Variants in FAM78B observed in about 807,000 individuals in gnomAD.
The protein encoded by FAM78B is family with sequence similarity 78 member B, also known as protein FAM78B.
FAM78B carries 10 observed loss-of-function variants against 20.0 expected under a neutral mutation model. That is an observed-to-expected ratio of 0.50 (90% CI 0.31 to 0.85). The LOEUF is 0.85. Among genes scored for constraint, FAM78B ranks in the 40% least tolerant of loss-of-function variants. The probability of loss-of-function intolerance (pLI) is 0.05; values close to 1 mark genes in which losing one functional copy is unlikely to be tolerated. For synonymous variants in FAM78B, 135 were observed against 132.8 expected (o/e 1.02, Z -0.12); for missense variants, 283 against 345.0 (o/e 0.82, Z 1.42).
At chr1:166,077,887 AAAT>A (rs1652374542) in intron 1 of FAM78B, among the ~76,000 whole-genome samples, 1 of 1,326 alleles carries the variant, frequency 7.5e-4, no homozygotes, top group Non-Finnish European at 1.8e-3. Flanking sequence ...TATATATAAT[AAAT>A]ATATATAATT....
downstream of FAM78B, among the ~76,000 whole-genome samples, chr1:166,067,465 C>A (rs534993598): frequency 2.0e-5 from 3 of 151,992 alleles, no homozygotes; most frequent in African/African-American, 7.3e-5. Context: ...ACTAAATGAG[C>A]CCCTTTAAAC....
At chr1:166,092,082 CAA>C (rs1200691443) in intron 1 of FAM78B, among the ~76,000 whole-genome samples, 1 of 142,912 alleles carries the variant, frequency 7.0e-6, no homozygotes, top group East Asian at 2.1e-4. Context: ...GCTTATGTAT[CAA>C]AAGTCTATCT....
intron 1 of FAM78B, among the ~76,000 whole-genome samples, chr1:166,131,718 G>A (rs1187851132): frequency 1.3e-5 from 2 of 152,150 alleles, no homozygotes; most frequent in African/African-American, 4.8e-5. Context: ...GACACTGAGT[G>A]TCCCTTAGAA....
Position 166,061,298 on chromosome 1 carries a change from C to G in FAM78B, c.*410-635G>C, listed in dbSNP as rs185389051. ...TCTTGAACATATGAAGATAGTTGCTCTAGGGTAAAGCCAAGCATCAGGCAT... is the reference window on the plus strand; with the variant it reads ...TCTTGAACATATGAAGATAGTTGCTGTAGGGTAAAGCCAAGCATCAGGCAT... On this transcript the variant is annotated intron_variant and NMD_transcript_variant, in intron 2 of 2. Transcript: ENST00000435676. Among the ~76,000 whole-genome samples the G allele has an allele frequency of 1.1e-3, 170 of 152,228 alleles. 1 individual carries two copies. The East Asian group carries it at 0.031, about 28-fold the overall frequency.
chr1:166,159,164 C>A (rs1047113648), intron 1 of FAM78B, among the ~76,000 whole-genome samples: 1 of 152,212 alleles, frequency 6.6e-6, no homozygotes, highest in Non-Finnish European at 1.5e-5. Flanking sequence ...ACAGTAACAG[C>A]GGCCATAACT....
intron 1 of FAM78B, among the ~76,000 whole-genome samples, chr1:166,113,033 A>T (rs1245220312): frequency 2.0e-5 from 3 of 152,258 alleles, no homozygotes; most frequent in Non-Finnish European, 1.5e-5. Flanking sequence ...AAAAATAAAA[A>T]TACAGAAACT....
intron 1 of FAM78B, among the ~76,000 whole-genome samples, chr1:166,149,991 T>C (rs1165048723): frequency 6.6e-6 from 1 of 152,144 alleles, no homozygotes; most frequent in Non-Finnish European, 1.5e-5. Context: ...AGAAGCCAAA[T>C]GCTAGTGCAA....
At chr1:166,136,085 T>G (rs563673281) in intron 1 of FAM78B, among the ~76,000 whole-genome samples, 5 of 152,250 alleles carry the variant, frequency 3.3e-5, no homozygotes, top group African/African-American at 1.2e-4. Flanking sequence ...GACTTGTCAC[T>G]CATGAGTATT....
At chr1:166,133,794 C>A (rs563035605) in intron 1 of FAM78B, among the ~76,000 whole-genome samples, 5 of 152,158 alleles carry the variant, frequency 3.3e-5, no homozygotes, top group African/African-American at 1.2e-4. Flanking sequence ...GATGGCCACT[C>A]GCGAGGTGCT....
chr1:166,074,156 G>A (rs542906284), intron 1 of FAM78B, among the ~76,000 whole-genome samples: 2 of 152,104 alleles, frequency 1.3e-5, no homozygotes, highest in African/African-American at 2.4e-5. Flanking sequence ...TATGGACATC[G>A]TTGGCATCAC....
intron 1 of FAM78B, among the ~76,000 whole-genome samples, chr1:166,159,221 C>G (rs528444701): frequency 1.3e-5 from 2 of 152,310 alleles, no homozygotes; most frequent in South Asian, 4.1e-4. Flanking sequence ...ACCTGTCCCC[C>G]TCACAGGCCA....
At chr1:166,151,932 C>G (rs561603389) in intron 1 of FAM78B, among the ~76,000 whole-genome samples, 3 of 152,300 alleles carry the variant, frequency 2.0e-5, no homozygotes, top group African/African-American at 7.2e-5. Flanking sequence ...TAACTTTACC[C>G]CGGGCCCAAC....
At chr1:166,127,940 GT>G (rs1429881449) in intron 1 of FAM78B, among the ~76,000 whole-genome samples, 1 of 152,194 alleles carries the variant, frequency 6.6e-6, no homozygotes, top group Non-Finnish European at 1.5e-5. Context: ...TATTTTAGAA[GT>G]AGCAGATATA....
chr1:166,076,373 C>T (rs1652276130), intron 1 of FAM78B, among the ~76,000 whole-genome samples: 1 of 152,140 alleles, frequency 6.6e-6, no homozygotes, highest in South Asian at 2.1e-4. Context: ...GGCCTTTGCA[C>T]TTACCGTTCA....
chr1:166,103,293 A>G (rs977959817), intron 1 of FAM78B, among the ~76,000 whole-genome samples: 1 of 152,236 alleles, frequency 6.6e-6, no homozygotes, highest in African/African-American at 2.4e-5. Flanking sequence ...AATTAAAAGA[A>G]CTAGAGAAGC....
intron 1 of FAM78B, among the ~76,000 whole-genome samples, chr1:166,129,890 G>A (rs1203171118): frequency 6.6e-6 from 1 of 152,158 alleles, no homozygotes; most frequent in Non-Finnish European, 1.5e-5. Context: ...TGCTAAATTA[G>A]GGACAATGAA....
chr1:166,085,726 C>G (rs1436007681), intron 1 of FAM78B, among the ~76,000 whole-genome samples: 1 of 152,154 alleles, frequency 6.6e-6, no homozygotes, highest in Non-Finnish European at 1.5e-5. Context: ...TGACTATGAC[C>G]AGAAAGAACA....
In FAM78B at chr1:166,166,185, C is replaced by G. The variant is rs1405666289; in HGVS notation, c.64G>C (p.Asp22His). The change falls in exon 1 of 2, where the codon GAT becomes CAT. Residue 22 changes from aspartate to histidine, a missense_variant. Asp to His is a moderately conservative substitution (Grantham distance 81). Transcript: ENST00000354422. ...RIRRENIVVY[D>H]VCATIDQCPT... ...CACTGGTCGATGGTGGCGCACACATCGTACACCACGATGTTCTCGCGCCGG... is the reference window on the plus strand; with the variant it reads ...CACTGGTCGATGGTGGCGCACACATGGTACACCACGATGTTCTCGCGCCGG... The G allele has an allele frequency of 6.3e-7, 1 of 1,595,722 alleles. No individual in the cohort carries two copies. The highest frequency in any genetic ancestry group is 1.3e-5 in the African/African-American group (1 of 74,556).
rs144142558 is a variant in FAM78B, at chr1:166,070,336, G to T, written c.691C>A (p.Pro231Thr). Residue 231 changes from proline (P) to threonine (T), a missense_variant, in exon 2 of 2, where the codon CCT (proline) becomes ACT (threonine). Pro to Thr is a conservative substitution (Grantham distance 38). Coordinates refer to ENST00000354422, the MANE Select transcript of FAM78B (RefSeq NM_001017961.5). ...GCATTGGGTTTCACTAGTGCATTAG[G>T]GGGGATGGGTTCCATCCGGCTCAGG... ...RILSRMEPIP[P>T]NALVKPNAND... 1.1e-5 allele frequency: 17 copies of T among 1,610,494 alleles called. No homozygotes were observed. Among genetic ancestry groups the T allele is most frequent in the Admixed American group, 1.0e-4 (6 of 59,812 alleles).
Sources: allele counts gnomAD v4.1 joint callset (sites outside exome capture counted in the v4.1 genomes callset), GRCh38; gene constraint gnomAD v4.1.1; transcripts MANE v1.5; gene names NCBI Gene and HGNC (gene_info 2026-07-23, HGNC 2026-07-21).